Variants in CNNM2 observed in about 807,000 individuals in gnomAD.
CNNM2 encodes the protein metal transporter CNNM2.
Under a neutral mutation model 66.9 loss-of-function variants are expected in CNNM2, and 12 were observed. The observed-to-expected ratio is 0.18, with a 90% CI of 0.11 to 0.29. The LOEUF is 0.29. CNNM2 is among the 10% of genes least tolerant of loss of function. The pLI is 1.00. For missense variants in CNNM2, 705 were observed against 1,167.7 expected (o/e 0.60, Z 5.77); for synonymous variants, 557 against 501.8 (o/e 1.11, Z -1.47).
chr10:102,921,102 C>T, intron 1 of CNNM2: 2 of 940,180 alleles, frequency 2.1e-6, no homozygotes, highest in Non-Finnish European at 2.5e-6. Context: ...TTCGTTTGAC[C>T]ATATAATGAA....
chr10:102,951,762 T>C, intron 1 of CNNM2, among the ~76,000 whole-genome samples: 1 of 151,424 alleles, frequency 6.6e-6, no homozygotes, highest in Non-Finnish European at 1.5e-5. Flanking sequence ...CCTCAGCCTC[T>C]TGAGTAGCTG....
chr10:102,929,860 A>G (rs1181768652), intron 1 of CNNM2, among the ~76,000 whole-genome samples: 11 of 152,230 alleles, frequency 7.2e-5, no homozygotes, highest in Non-Finnish European at 8.8e-5. Context: ...AGACTAAAGG[A>G]AGATCAAAAA....
chr10:102,919,161 G>C lies in CNNM2; in HGVS notation c.681G>C (p.Pro227=). Residue 227 remains proline, a synonymous_variant, in exon 1 of 8, where the codon CCG becomes CCC. Transcript: ENST00000369878. ...GSGVAGLPPP[P]WAETTWIYHD... ...GGGTGGCCGGGCTCCCGCCGCCCCC[G>C]TGGGCCGAGACCACCTGGATTTACC... 3 of 1,610,456 alleles carry C rather than the reference G, an allele frequency of 1.9e-6. No homozygotes were observed. Among genetic ancestry groups the C allele is most frequent in the Non-Finnish European group, 2.5e-6 (3 of 1,179,754 alleles).
At position 103,077,001 on chromosome 10, in the gene CNNM2, A is replaced by G; in HGVS notation, c.2449A>G (p.Met817Val). ...AAGACAGCAATACCAAAATGCCTTGATGGCATCCCGGATGGACAAAACCCC... is the reference window on the plus strand; with the variant it reads ...AAGACAGCAATACCAAAATGCCTTGGTGGCATCCCGGATGGACAAAACCCC... The part of the protein sequence containing the change: ...ISRQQYQNAL[M>V]ASRMDKTPQS... Residue 817 changes from methionine to valine, a missense_variant, in exon 8 of 8, where the codon ATG becomes GTG. Met to Val is a conservative substitution (Grantham distance 21). This residue lies in a region of CNNM2 where 194 missense variants were observed against 227.6 expected (regional missense o/e 0.85). Transcript: ENST00000369878. 1 of 1,613,938 alleles carries G rather than the reference A, an allele frequency of 6.2e-7. No individual in the cohort carries two copies. The highest frequency in any genetic ancestry group is 8.5e-7 in the Non-Finnish European group (1 of 1,179,868).
At chr10:103,067,953 G>A (rs549133657) in intron 4 of CNNM2, among the ~76,000 whole-genome samples, 1 of 152,322 alleles carries the variant, frequency 6.6e-6, no homozygotes, top group East Asian at 1.9e-4. Flanking sequence ...TCAGTGGTCA[G>A]GACACCGTGC....
intron 1 of CNNM2, among the ~76,000 whole-genome samples, chr10:102,943,594 C>CA (rs1310945716): frequency 6.6e-6 from 1 of 152,034 alleles, no homozygotes; most frequent in African/African-American, 2.4e-5. Flanking sequence ...AAAAAACGCA[C>CA]AAAAAAAGTC....
chr10:103,054,265 A>T lies in CNNM2; in HGVS notation c.1766-64A>T. The T allele has an allele frequency of 6.4e-7, 1 of 1,555,042 alleles. No individual in the cohort carries two copies. Among genetic ancestry groups the T allele is most frequent in the Non-Finnish European group, 8.7e-7 (1 of 1,145,554 alleles). ...CCAATATATTTTGTCTTTTTCATTCAAAAAGAGCCCTCATCTCATGGGATG... is the reference window on the plus strand; with the variant it reads ...CCAATATATTTTGTCTTTTTCATTCTAAAAGAGCCCTCATCTCATGGGATG... On this transcript the variant is annotated intron_variant, in intron 2 of 7. Transcript: ENST00000369878. This position sits in a 1 kb window ranked among gnomAD's most constrained non-coding sequence, Gnocchi z 5.2.
chr10:103,032,422 A>G (rs1433332713), intron 1 of CNNM2, among the ~76,000 whole-genome samples: 2 of 152,014 alleles, frequency 1.3e-5, no homozygotes, highest in East Asian at 1.9e-4. Flanking sequence ...CCGCACTCCA[A>G]CCTGGGGGAC....
intron 1 of CNNM2, among the ~76,000 whole-genome samples, chr10:102,995,779 T>G (rs913228836): frequency 6.6e-6 from 1 of 151,960 alleles, no homozygotes; most frequent in African/African-American, 2.4e-5. Context: ...CAGGCTGGAG[T>G]GCAGTGGCGT....
At chr10:102,979,083 G>A (rs1406544737) in intron 1 of CNNM2, among the ~76,000 whole-genome samples, 1 of 152,108 alleles carries the variant, frequency 6.6e-6, no homozygotes, top group Non-Finnish European at 1.5e-5. Context: ...ATGCTGCTTG[G>A]ACATTCTAGT....
At chr10:103,069,673 C>T (rs938550022) in intron 5 of CNNM2, among the ~76,000 whole-genome samples, 5 of 152,206 alleles carry the variant, frequency 3.3e-5, no homozygotes, top group African/African-American at 1.2e-4. Flanking sequence ...GACATGAACA[C>T]AGATAGATAC....
intron 1 of CNNM2, among the ~76,000 whole-genome samples, chr10:102,968,617 T>G (rs1183775658): frequency 6.6e-6 from 1 of 151,934 alleles, no homozygotes; most frequent in African/African-American, 2.4e-5. Flanking sequence ...GCTTTTTTTT[T>G]TTTTTCTTTG....
chr10:103,082,803 T>C lies in CNNM2; in HGVS notation c.*5623T>C, dbSNP rs2065770081. On this transcript the variant is annotated 3_prime_UTR_variant, in exon 8 of 8. Coordinates refer to ENST00000369878, the MANE Select transcript of CNNM2 (RefSeq NM_017649.5). ...GGTCTCCTACCTTGTGGGCAGGGCC[T>C]CTCAAGTACCTCCATGAAATATTTC... 6.6e-6 allele frequency: 1 copy of C among 152,232 alleles called. No homozygotes were observed. The highest frequency in any genetic ancestry group is 2.4e-5 in the African/African-American group (1 of 41,436). The allele number at this position is 152,232 out of a possible 1,614,324, so 9.4% of individuals were successfully genotyped here. A position where few individuals can be genotyped will look rare whatever the true frequency, so the allele number is the denominator to read the frequency against.
intron 1 of CNNM2, among the ~76,000 whole-genome samples, chr10:103,018,943 G>A (rs1406703976): frequency 2.0e-5 from 3 of 149,324 alleles, no homozygotes; most frequent in Non-Finnish European, 4.5e-5. Context: ...GGCGTGAGCC[G>A]CTGTACCTGG....
At chr10:102,922,071 T>G (rs1360081094) in intron 1 of CNNM2, among the ~76,000 whole-genome samples, 2 of 152,232 alleles carry the variant, frequency 1.3e-5, no homozygotes, top group Admixed American at 1.3e-4. Flanking sequence ...ATGATGGAAT[T>G]ACTAATATTT....
At chr10:102,927,832 A>T (rs1296800494) in intron 1 of CNNM2, among the ~76,000 whole-genome samples, 1 of 152,142 alleles carries the variant, frequency 6.6e-6, no homozygotes, top group Non-Finnish European at 1.5e-5. Context: ...TTGATGGATA[A>T]TGGGGATGCC....
At chr10:103,074,328 C>T (rs1222013091) in intron 6 of CNNM2, among the ~76,000 whole-genome samples, 1 of 152,130 alleles carries the variant, frequency 6.6e-6, no homozygotes, top group Non-Finnish European at 1.5e-5. Context: ...CCATCATCCA[C>T]ATTTTACAGA....
intron 5 of CNNM2, 91 bp downstream of exon 5, chr10:103,068,813 G>T: frequency 9.8e-7 from 1 of 1,021,082 alleles, no homozygotes; most frequent in South Asian, 1.6e-5. Flanking sequence ...TCTGCCAGCT[G>T]ACCCCATTCA....
chr10:103,006,447 C>A (rs1250372248), intron 1 of CNNM2, among the ~76,000 whole-genome samples: 1 of 152,010 alleles, frequency 6.6e-6, no homozygotes, highest in African/African-American at 2.4e-5. Context: ...CTCAAGTGAT[C>A]CACCCGCCTC....
Sources: gnomAD v4.1 joint callset for allele counts (sites outside exome capture counted in the v4.1 genomes callset) on GRCh38, gnomAD v4.1.1 for gene constraint, gnomAD v4.1.1 regional missense constraint, Gnocchi (gnomAD v3.1) non-coding constraint, MANE v1.5 for transcripts, NCBI Gene and HGNC (gene_info 2026-07-23, HGNC 2026-07-21) for gene names.